Variants in FOXN3 observed in about 807,000 individuals in gnomAD.
FOXN3 encodes forkhead box protein N3.
Under a neutral mutation model 38.4 loss-of-function variants are expected in FOXN3, and 7 were observed. The observed-to-expected ratio is 0.18, with a 90% CI of 0.10 to 0.34. The LOEUF (loss-of-function observed/expected upper bound fraction) is 0.34. Ranked by LOEUF, FOXN3 falls within the 10% of genes least tolerant of loss-of-function variation. The probability of loss-of-function intolerance (pLI) is 1.00; values close to 1 mark genes in which losing one functional copy is unlikely to be tolerated. For missense variants in FOXN3, 456 were observed against 613.4 expected (o/e 0.74, Z 2.71); for synonymous variants, 230 against 242.2 (o/e 0.95, Z 0.47).
At chr14:89,312,795 C>T (rs763740964) in intron 3 of FOXN3, among the ~76,000 whole-genome samples, 36 of 152,162 alleles carry the variant, frequency 2.4e-4, no homozygotes, top group Non-Finnish European at 4.9e-4. Flanking sequence ...TAGCATAGCA[C>T]CAGGCCTAAA....
intron 3 of FOXN3, among the ~76,000 whole-genome samples, chr14:89,337,417 A>G (rs190550680): frequency 2.7e-4 from 41 of 152,298 alleles, no homozygotes; most frequent in African/African-American, 9.4e-4. Context: ...TGGTAGAGAA[A>G]GAACACAATT....
chr14:89,290,596 T>C (rs527545360), intron 3 of FOXN3: 10 of 550,702 alleles, frequency 1.8e-5, no homozygotes, highest in South Asian at 1.2e-4. Context: ...ACAAGGTCAT[T>C]CCTGTCTTCT....
intron 2 of FOXN3, among the ~76,000 whole-genome samples, chr14:89,399,044 T>G (rs1352143256): frequency 6.6e-6 from 1 of 152,204 alleles, no homozygotes; most frequent in East Asian, 1.9e-4. Context: ...CCTGAATTTT[T>G]TTGTTGTTGC....
Position 89,372,893 on chromosome 14 carries a change from G to A in FOXN3, c.544-22085C>T, listed in dbSNP as rs998698379. 6.6e-5 allele frequency among the ~76,000 whole-genome samples: 10 copies of A among 152,168 alleles called. No homozygotes were observed. The South Asian group carries it at 8.3e-4, about 13-fold the overall frequency. The stretch of plus-strand genomic sequence containing the variant: ...GCTTTCAACAAGTTAAATGTAGGCT[G>A]GTGCAGTGGCTCACACCTGTAATTC... On this transcript the variant is annotated intron_variant, in intron 2 of 5. Coordinates refer to ENST00000557258, the MANE Select transcript of FOXN3 (RefSeq NM_005197.4).
At chr14:89,388,380 G>A (rs1228374598) in intron 2 of FOXN3, among the ~76,000 whole-genome samples, 5 of 152,208 alleles carry the variant, frequency 3.3e-5, no homozygotes. Context: ...AGGGATGGAA[G>A]AGTGGGGCCG....
intron 2 of FOXN3, among the ~76,000 whole-genome samples, chr14:89,408,765 A>T (rs181848595): frequency 6.6e-6 from 1 of 151,888 alleles, no homozygotes; most frequent in South Asian, 2.1e-4. Flanking sequence ...CACTGCATAC[A>T]ACTTGCAAGG....
intron 1 of FOXN3, among the ~76,000 whole-genome samples, chr14:89,487,340 C>T (rs548865612): frequency 3.2e-4 from 48 of 152,182 alleles, no homozygotes; most frequent in Non-Finnish European, 6.8e-4. Context: ...TTAGCCTACG[C>T]GCTGTAGTCT....
chr14:89,578,137 TAATATA>T (rs1381584537), intron 1 of FOXN3, among the ~76,000 whole-genome samples: 1 of 152,110 alleles, frequency 6.6e-6, no homozygotes, highest in East Asian at 1.9e-4. Flanking sequence ...GGATGAAAGG[TAATATA>T]ATATCCTTTG....
chr14:89,523,135 G>C (rs1241347954), intron 1 of FOXN3, among the ~76,000 whole-genome samples: 2 of 152,128 alleles, frequency 1.3e-5, no homozygotes, highest in Non-Finnish European at 2.9e-5. Flanking sequence ...ATTCCATAAT[G>C]ATAGAGGAGT....
chr14:89,181,835 T>C (rs572471419), intron 4 of FOXN3, among the ~76,000 whole-genome samples: 2 of 152,316 alleles, frequency 1.3e-5, no homozygotes, highest in East Asian at 3.9e-4. Flanking sequence ...CCTCCCTACG[T>C]CTGAGGGGCA....
chr14:89,226,226 A>G (rs558762663), intron 4 of FOXN3, among the ~76,000 whole-genome samples: 1 of 150,744 alleles, frequency 6.6e-6, no homozygotes, highest in East Asian at 2.0e-4. Context: ...AGGGAGAGGT[A>G]GAGAGAGAGA....
chr14:89,364,666 G>A (rs1355952778), intron 2 of FOXN3: 1 of 152,184 alleles, frequency 6.6e-6, no homozygotes, highest in African/African-American at 2.4e-5. Context: ...TTATTTTACA[G>A]ATGTGTTCTA....
At position 89,252,281 on chromosome 14, in the gene FOXN3, T is replaced by C. The variant is rs145861610; in HGVS notation, c.745+28669A>G. Among the ~76,000 whole-genome samples the C allele has an allele frequency of 1.9e-3, 291 of 152,350 alleles. 3 individuals carry two copies. The highest frequency in any genetic ancestry group is 2.9e-3 in the Non-Finnish European group (195 of 68,034). ...GAGCTTTTCAAAGTAGGCCATATACTACCCCTGGTACACAGATGGGTTTTT... is the reference window on the plus strand; with the variant it reads ...GAGCTTTTCAAAGTAGGCCATATACCACCCCTGGTACACAGATGGGTTTTT... On this transcript the variant is annotated intron_variant, in intron 4 of 5. Transcript: ENST00000557258.
At chr14:89,393,263 T>A (rs543564221) in intron 2 of FOXN3, among the ~76,000 whole-genome samples, 1 of 152,292 alleles carries the variant, frequency 6.6e-6, no homozygotes, top group African/African-American at 2.4e-5. Flanking sequence ...TTTATAAGAA[T>A]GCCAGTTACA....
intron 4 of FOXN3, among the ~76,000 whole-genome samples, chr14:89,266,679 A>G (rs1885989313): frequency 6.6e-6 from 1 of 152,154 alleles, no homozygotes; most frequent in African/African-American, 2.4e-5. Flanking sequence ...AAACAATCTT[A>G]GTGGTTCCTG....
chr14:89,537,253 G>T (rs1410487235), intron 1 of FOXN3, among the ~76,000 whole-genome samples: 1 of 152,232 alleles, frequency 6.6e-6, no homozygotes, highest in Non-Finnish European at 1.5e-5. Flanking sequence ...TGGATTCCAT[G>T]AAATGCTTGG....
chr14:89,234,616 CCTCTCT>C (rs34492323), intron 4 of FOXN3, among the ~76,000 whole-genome samples: 13 of 148,374 alleles, frequency 8.8e-5, no homozygotes, highest in African/African-American at 1.5e-4. Flanking sequence ...TATGTGGCAT[CCTCTCT>C]CTCTCTCTCT....
At chr14:89,613,210 T>C (rs572464445) in intron 1 of FOXN3, among the ~76,000 whole-genome samples, 1 of 151,220 alleles carries the variant, frequency 6.6e-6, no homozygotes, top group South Asian at 2.1e-4. Context: ...GACCTGCTAC[T>C]CTCTGAACCT....
intron 1 of FOXN3, among the ~76,000 whole-genome samples, chr14:89,570,791 G>A (rs1895474324): frequency 6.6e-6 from 1 of 152,000 alleles, no homozygotes; most frequent in Admixed American, 6.6e-5. Context: ...CAAAAGATTG[G>A]ACACCCCTGA....
Sources: gnomAD v4.1 joint callset for allele counts (sites outside exome capture counted in the v4.1 genomes callset) on GRCh38, gnomAD v4.1.1 for gene constraint, MANE v1.5 for transcripts, NCBI Gene and HGNC (gene_info 2026-07-23, HGNC 2026-07-21) for gene names.